The following COMMD7 variants were observed in gnomAD, a reference collection of about 807,000 sequenced individuals.
COMMD7 encodes COMM domain-containing protein 7.
COMMD7 carries 28 observed loss-of-function variants against 34.8 expected under a neutral mutation model. The observed-to-expected ratio is 0.80, with a 90% CI of 0.60 to 1.10. The LOEUF (loss-of-function observed/expected upper bound fraction) is 1.10, where lower values mean the gene tolerates loss of function less well. Ranked by LOEUF, COMMD7 falls within the 50% of genes least tolerant of loss-of-function variation. The pLI is 0.00. For missense variants in COMMD7, 211 were observed against 241.6 expected (o/e 0.87, Z 0.84); for synonymous variants, 80 against 86.4 (o/e 0.93, Z 0.41).
intron 3 of COMMD7, among the ~76,000 whole-genome samples, chr20:32,709,012 T>G (rs900415696): frequency 4.6e-5 from 7 of 152,298 alleles, no homozygotes; most frequent in African/African-American, 9.6e-5. Flanking sequence ...TAAGCATTTT[T>G]GGGAGAAAAT....
chr20:32,734,444 C>T (rs894093619), intron 1 of COMMD7, among the ~76,000 whole-genome samples: 24 of 151,816 alleles, frequency 1.6e-4, no homozygotes, highest in African/African-American at 5.8e-4. Flanking sequence ...TGCACTCCAG[C>T]CTGGGTGACA....
intron 1 of COMMD7, among the ~76,000 whole-genome samples, chr20:32,738,775 G>GGGCTGGA (rs1038574559): frequency 3.3e-5 from 5 of 151,714 alleles, no homozygotes; most frequent in African/African-American, 1.2e-4. Flanking sequence ...TCTGTTCTCT[G>GGGCTGGA]GGCTGGAGTG....
intron 1 of COMMD7, among the ~76,000 whole-genome samples, chr20:32,743,041 G>A (rs1253414146): frequency 1.3e-5 from 2 of 151,982 alleles, no homozygotes; most frequent in East Asian, 3.9e-4. Flanking sequence ...AGGTCCCGTA[G>A]TCCCATCTCT....
At chr20:32,709,684 T>TG (rs1984309969) in intron 3 of COMMD7, among the ~76,000 whole-genome samples, 1 of 152,172 alleles carries the variant, frequency 6.6e-6, no homozygotes, top group South Asian at 2.1e-4. Flanking sequence ...CTGCATGCTC[T>TG]GGCCTCCTCT....
intron 8 of COMMD7, chr20:32,703,787 G>A (rs764056740): frequency 1.4e-5 from 21 of 1,522,636 alleles, no homozygotes; most frequent in East Asian, 7.4e-5. Flanking sequence ...CAGCCATTCC[G>A]TTCCCACCCT....
chr20:32,703,883 AGGAAAG>A, intron 8 of COMMD7, 134 bp downstream of exon 8: 1 of 1,554,234 alleles, frequency 6.4e-7, no homozygotes. Context: ...CTTTCAGGAG[AGGAAAG>A]GCAGTGGAAC....
chr20:32,734,711 T>C (rs1350385977), intron 1 of COMMD7, among the ~76,000 whole-genome samples: 1 of 151,634 alleles, frequency 6.6e-6, no homozygotes, highest in Non-Finnish European at 1.5e-5. Flanking sequence ...GCAGATCACC[T>C]AAGGTCAGGA....
chr20:32,704,705 C>G, intron 6 of COMMD7, 109 bp downstream of exon 6: 1 of 853,832 alleles, frequency 1.2e-6, no homozygotes, highest in East Asian at 2.4e-5. Flanking sequence ...GCTGCTGCCC[C>G]AACAGTGCTA....
At chr20:32,716,382 G>A (rs1984781300) in intron 3 of COMMD7, among the ~76,000 whole-genome samples, 1 of 152,096 alleles carries the variant, frequency 6.6e-6, no homozygotes, top group Non-Finnish European at 1.5e-5. Flanking sequence ...TTGGGAGGCC[G>A]AGGCGGGCGG....
intron 1 of COMMD7, among the ~76,000 whole-genome samples, chr20:32,736,512 T>C (rs1454564525): frequency 6.6e-6 from 1 of 151,530 alleles, no homozygotes; most frequent in Non-Finnish European, 1.5e-5. Context: ...CTACTAAAAA[T>C]ACAAAAAATT....
intron 1 of COMMD7, among the ~76,000 whole-genome samples, chr20:32,737,148 T>C (rs1223596404): frequency 3.4e-5 from 5 of 148,108 alleles, no homozygotes; most frequent in East Asian, 2.0e-4. Context: ...CGCCACTGCA[T>C]TCCAGCCTGG....
intron 3 of COMMD7, among the ~76,000 whole-genome samples, chr20:32,716,570 G>T (rs1349183705): frequency 1.3e-5 from 2 of 152,104 alleles, no homozygotes; most frequent in Non-Finnish European, 2.9e-5. Context: ...AGCCAAGATC[G>T]TGCCACTGCA....
chr20:32,714,027 C>T (rs902499072), intron 3 of COMMD7, among the ~76,000 whole-genome samples: 2 of 152,054 alleles, frequency 1.3e-5, no homozygotes, highest in African/African-American at 2.4e-5. Flanking sequence ...GCAGGAGAAT[C>T]GCTTGAACCC....
chr20:32,722,688 C>A (rs1223765002), intron 3 of COMMD7, among the ~76,000 whole-genome samples: 2 of 148,538 alleles, frequency 1.3e-5, no homozygotes, highest in Admixed American at 1.4e-4. Context: ...CGTGCCACTG[C>A]ACTCCAGCCT....
At chr20:32,704,396 A>C in intron 7 of COMMD7, 44 bp downstream of exon 7, 1 of 1,551,262 alleles carries the variant, frequency 6.4e-7, no homozygotes, top group Non-Finnish European at 8.8e-7. Flanking sequence ...ATTTTTAACC[A>C]AGTCAAAAAT....
At chr20:32,707,075 C>A (rs1410819432) in intron 3 of COMMD7, among the ~76,000 whole-genome samples, 1 of 148,382 alleles carries the variant, frequency 6.7e-6, no homozygotes, top group Non-Finnish European at 1.5e-5. Context: ...AGATCGAGAC[C>A]ATCCTGGCTA....
chr20:32,708,145 A>G (rs1315270841), intron 3 of COMMD7, among the ~76,000 whole-genome samples: 1 of 152,214 alleles, frequency 6.6e-6, no homozygotes, highest in Non-Finnish European at 1.5e-5. Context: ...TGTGGTGGTC[A>G]CCTTGTTTTG....
chr20:32,709,903 T>A (rs1555822948), intron 3 of COMMD7, among the ~76,000 whole-genome samples: 56 of 151,326 alleles, frequency 3.7e-4, no homozygotes, highest in African/African-American at 1.3e-3. Flanking sequence ...TTTTTTTTTT[T>A]AATCTCATTC....
In COMMD7 at chr20:32,736,012, G is replaced by C. The variant is rs538217467; in HGVS notation, c.84+7296C>G. Among the ~76,000 whole-genome samples the C allele has an allele frequency of 3.9e-5, 6 of 152,160 alleles. No homozygotes were observed. The South Asian group carries it at 1.2e-3, about 32-fold the overall frequency. On this transcript the variant is annotated intron_variant, in intron 1 of 8. Transcript: ENST00000278980. ...CTGGGACTGGCCACGGGCATCAAAGGGCACATCTATGTGCAATTTGGTACT... is the reference window on the plus strand; with the variant it reads ...CTGGGACTGGCCACGGGCATCAAAGCGCACATCTATGTGCAATTTGGTACT...
Sources: allele counts gnomAD v4.1 joint callset (sites outside exome capture counted in the v4.1 genomes callset), GRCh38; gene constraint gnomAD v4.1.1; transcripts MANE v1.5; gene names NCBI Gene and HGNC (gene_info 2026-07-23, HGNC 2026-07-21).